TMOD1: variants seen among roughly 807,000 people sequenced by gnomAD.
The protein encoded by TMOD1 is tropomodulin-1.
In TMOD1, 17 loss-of-function variants were observed where a neutral mutation model predicts 40.6. That is an observed-to-expected ratio of 0.42 (90% CI 0.29 to 0.63). The LOEUF is 0.63. Among genes scored for constraint, TMOD1 ranks in the 20% least tolerant of loss-of-function variants. TMOD1 has a pLI of 0.22. For synonymous variants in TMOD1, 181 were observed against 175.0 expected (o/e 1.03, Z -0.27); for missense variants, 391 against 447.6 (o/e 0.87, Z 1.14).
At chr9:97,592,731 T>G (rs1826026906) in intron 9 of TMOD1, among the ~76,000 whole-genome samples, 1 of 151,484 alleles carries the variant, frequency 6.6e-6, no homozygotes, top group Non-Finnish European at 1.5e-5. Context: ...ACCACAGGAT[T>G]ACACACACAC....
intron 8 of TMOD1, among the ~76,000 whole-genome samples, chr9:97,585,650 C>T (rs1412303268): frequency 1.2e-4 from 16 of 129,864 alleles, no homozygotes; most frequent in African/African-American, 4.7e-4. Flanking sequence ...ACCAATCAGA[C>T]GTAGATTTGG....
At chr9:97,503,849 G>T (rs573466036) in intron 1 of TMOD1, among the ~76,000 whole-genome samples, 1 of 152,338 alleles carries the variant, frequency 6.6e-6, no homozygotes, top group African/African-American at 2.4e-5. Flanking sequence ...GGCAGACAAG[G>T]TGGTCTCTAG....
chr9:97,506,595 C>T (rs1829595535), intron 1 of TMOD1, among the ~76,000 whole-genome samples: 1 of 152,212 alleles, frequency 6.6e-6, no homozygotes, highest in East Asian at 1.9e-4. Context: ...CCTATCAGCC[C>T]CATCATGATA....
chr9:97,534,548 C>T (rs933393346), intron 2 of TMOD1, among the ~76,000 whole-genome samples: 3 of 152,204 alleles, frequency 2.0e-5, no homozygotes, highest in Non-Finnish European at 4.4e-5. Flanking sequence ...AAGCCAATGG[C>T]TTGGGACAGC....
intron 4 of TMOD1, among the ~76,000 whole-genome samples, chr9:97,556,420 G>A (rs1221238703): frequency 6.6e-6 from 1 of 152,184 alleles, no homozygotes; most frequent in Non-Finnish European, 1.5e-5. Flanking sequence ...GTGGGTGGTT[G>A]GAGCCTTTTT....
intron 2 of TMOD1, among the ~76,000 whole-genome samples, chr9:97,545,804 C>G (rs1001678142): frequency 6.6e-6 from 1 of 152,192 alleles, no homozygotes. Context: ...TTTATGCATC[C>G]AAACAACAAC....
At chr9:97,566,154 C>G (rs2131267934) in intron 7 of TMOD1, among the ~76,000 whole-genome samples, 199 bp downstream of exon 7, 1 of 152,256 alleles carries the variant, frequency 6.6e-6, no homozygotes, top group Middle Eastern at 3.4e-3. Context: ...CCTGGCCAAT[C>G]CTCACACCCA....
At chr9:97,552,445 A>G (rs1830469051) in intron 3 of TMOD1, among the ~76,000 whole-genome samples, 1 of 152,094 alleles carries the variant, frequency 6.6e-6, no homozygotes, top group African/African-American at 2.4e-5. Context: ...CCATATCTTT[A>G]TACGTTTATT....
At chr9:97,532,405 C>T (rs980100679) in intron 2 of TMOD1, among the ~76,000 whole-genome samples, 3 of 152,170 alleles carry the variant, frequency 2.0e-5, no homozygotes, top group East Asian at 1.9e-4. Flanking sequence ...CCTTTCCTCC[C>T]CTCCCTCGGG....
chr9:97,599,013 T>C lies in TMOD1; in HGVS notation c.1016-621T>C, dbSNP rs74663430. 2.2e-4 allele frequency among the ~76,000 whole-genome samples: 33 copies of C among 152,290 alleles called. No homozygotes were observed. In the East Asian group the frequency reaches 5.0e-3, roughly 23 times the overall value. On this transcript the variant is annotated intron_variant, in intron 9 of 9. Coordinates refer to ENST00000259365, the MANE Select transcript of TMOD1 (RefSeq NM_003275.4). ...AGAGCCCCTCCTGCCCCTCCCTGCA[T>C]CCTCATCATCCTTTAAGCTAACGTC...
intron 3 of TMOD1, among the ~76,000 whole-genome samples, chr9:97,551,643 C>T (rs1830456472): frequency 6.6e-6 from 1 of 152,120 alleles, no homozygotes; most frequent in Admixed American, 6.6e-5. Context: ...TCTAACTTTG[C>T]TCTTTTTCAA....
chr9:97,587,869 C>G (rs974196171), intron 8 of TMOD1, among the ~76,000 whole-genome samples: 1 of 152,154 alleles, frequency 6.6e-6, no homozygotes, highest in African/African-American at 2.4e-5. Context: ...TTGTGTCTGG[C>G]TTCTTTCATT....
intron 4 of TMOD1, among the ~76,000 whole-genome samples, chr9:97,556,749 C>T (rs10817759): frequency 0.19 from 28,692 of 152,106 alleles, 2,892 homozygotes; most frequent in South Asian, 0.3. Flanking sequence ...ATCAGTACAG[C>T]GTGTGAGGGA....
chr9:97,524,790 T>A (rs1277245845), intron 2 of TMOD1, among the ~76,000 whole-genome samples: 1 of 152,050 alleles, frequency 6.6e-6, no homozygotes, highest in Non-Finnish European at 1.5e-5. Context: ...AGGAGGAAAT[T>A]TCCGCTTACT....
At chr9:97,517,176 A>G (rs1048968390) in intron 1 of TMOD1, among the ~76,000 whole-genome samples, 1 of 151,868 alleles carries the variant, frequency 6.6e-6, no homozygotes, top group African/African-American at 2.4e-5. Flanking sequence ...GCAAGACCTC[A>G]TCTCTACAAA....
intron 9 of TMOD1, among the ~76,000 whole-genome samples, chr9:97,598,076 C>T (rs1197214034): frequency 6.6e-6 from 1 of 151,996 alleles, no homozygotes; most frequent in African/African-American, 2.4e-5. Flanking sequence ...GCCTGTAATC[C>T]CAGCACTTTG....
intron 8 of TMOD1, among the ~76,000 whole-genome samples, chr9:97,580,997 C>CTTT (rs1243395214): frequency 2.7e-5 from 1 of 36,830 alleles, no homozygotes; most frequent in African/African-American, 1.1e-4. Context: ...TTTCTTTTTT[C>CTTT]TTTTTTTTTA....
At chr9:97,556,238 C>T (rs117580824) in intron 4 of TMOD1, among the ~76,000 whole-genome samples, 2,076 of 152,228 alleles carry the variant, frequency 0.014, 102 homozygotes, top group East Asian at 0.12. Flanking sequence ...GCTCAGAGGC[C>T]GAGCAGCTGA....
chr9:97,562,059 C>T (rs1223260248), intron 4 of TMOD1, among the ~76,000 whole-genome samples: 1 of 152,192 alleles, frequency 6.6e-6, no homozygotes, highest in Non-Finnish European at 1.5e-5. Context: ...TCCACTGTCC[C>T]CACCAGAGCC....
Sources: allele counts gnomAD v4.1 joint callset (sites outside exome capture counted in the v4.1 genomes callset), GRCh38; gene constraint gnomAD v4.1.1; transcripts MANE v1.5; gene names NCBI Gene and HGNC (gene_info 2026-07-23, HGNC 2026-07-21).